PLPP3: variants seen among roughly 807,000 people sequenced by gnomAD.
The protein encoded by PLPP3 is PAP2 beta.
Under a neutral mutation model 29.6 loss-of-function variants are expected in PLPP3, and 6 were observed. The observed-to-expected ratio is 0.20, with a 90% CI of 0.11 to 0.40. The LOEUF is 0.40. PLPP3 is among the 10% of genes least tolerant of loss of function. PLPP3 has a pLI of 1.00. For missense variants in PLPP3, 308 were observed against 407.7 expected (o/e 0.76, Z 2.11); for synonymous variants, 152 against 159.7 (o/e 0.95, Z 0.36).
rs537494271 is a variant in PLPP3 at position 56,579,130 on chromosome 1, C to A, written c.-114G>T. 2.1e-6 allele frequency: 3 copies of A among 1,416,314 alleles called. No homozygotes were observed. The highest frequency in any genetic ancestry group is 2.8e-6 in the Non-Finnish European group (3 of 1,075,838). The allele number at this position is 1,416,314 out of a possible 1,614,324, so 87.7% of individuals were successfully genotyped here. On this transcript the variant is annotated 5_prime_UTR_variant, in exon 1 of 6. Transcript: ENST00000371250. ...GAGGCTGCTGCGGATAGTGGCGGGT[C>A]GGCCCCGGCTCCGGGCGCGGCGGCT...
chr1:56,522,354 A>G (rs1645824366), intron 4 of PLPP3, among the ~76,000 whole-genome samples: 1 of 152,232 alleles, frequency 6.6e-6, no homozygotes. Flanking sequence ...AATAAAATGA[A>G]GGGATATGAA....
At chr1:56,538,995 T>C (rs965993797) in intron 1 of PLPP3, 1 of 136,030 alleles carries the variant, frequency 7.4e-6, no homozygotes, top group Admixed American at 7.4e-5. Context: ...ACAGCCACTA[T>C]TGAATGCACA....
intron 2 of PLPP3, among the ~76,000 whole-genome samples, chr1:56,534,103 C>A (rs980348759): frequency 1.3e-5 from 2 of 152,170 alleles, no homozygotes; most frequent in Non-Finnish European, 2.9e-5. Flanking sequence ...CATTTTAAAT[C>A]TTTGCCCATG....
At position 56,524,211 on chromosome 1, in the gene PLPP3, A is replaced by C; in HGVS notation, c.575+66T>G. 1 of 1,567,608 alleles carries C rather than the reference A, an allele frequency of 6.4e-7. No homozygotes were observed. The highest frequency in any genetic ancestry group is 1.4e-5 in the African/African-American group (1 of 73,712). On this transcript the variant is annotated intron_variant, in intron 3 of 5. Transcript: ENST00000371250. The surrounding 1 kb of genome is among the most constrained non-coding windows in gnomAD (Gnocchi z 4.3). Reference sequence around the variant, plus strand: ...CATCTAAACCAGGGCCCAGCTAGTAAGTGCTCACTGAACTGCACTGTATGA... The same window carrying C: ...CATCTAAACCAGGGCCCAGCTAGTACGTGCTCACTGAACTGCACTGTATGA...
chr1:56,546,449 C>A (rs1646007043), intron 1 of PLPP3, among the ~76,000 whole-genome samples: 1 of 152,146 alleles, frequency 6.6e-6, no homozygotes, highest in African/African-American at 2.4e-5. Context: ...TAATGTCTCC[C>A]ATAGTAAGTA....
intron 1 of PLPP3, among the ~76,000 whole-genome samples, chr1:56,547,772 T>A (rs1371757755): frequency 6.6e-6 from 1 of 152,160 alleles, no homozygotes; most frequent in African/African-American, 2.4e-5. Flanking sequence ...TGGGAATTTC[T>A]GCCCTAAAGA....
At chr1:56,541,094 G>C (rs561610350) in intron 1 of PLPP3, among the ~76,000 whole-genome samples, 1 of 152,256 alleles carries the variant, frequency 6.6e-6, no homozygotes, top group South Asian at 2.1e-4. Context: ...TGTGATGACT[G>C]ACATATGCAT....
intron 1 of PLPP3, among the ~76,000 whole-genome samples, chr1:56,540,374 T>C (rs1023185304): frequency 1.3e-5 from 2 of 151,904 alleles, no homozygotes; most frequent in African/African-American, 2.4e-5. Flanking sequence ...GTCAAGGCAA[T>C]AGCACTGAGT....
chr1:56,548,098 C>A (rs1646017130), intron 1 of PLPP3, among the ~76,000 whole-genome samples: 1 of 152,188 alleles, frequency 6.6e-6, no homozygotes, highest in Admixed American at 6.5e-5. Flanking sequence ...CTGGACAGGG[C>A]CGTGTCAGCT....
At chr1:56,519,415 TC>T (rs1557501472) in intron 4 of PLPP3, among the ~76,000 whole-genome samples, 1 of 152,174 alleles carries the variant, frequency 6.6e-6, no homozygotes, top group South Asian at 2.1e-4. Flanking sequence ...GTACTGTTTC[TC>T]TAGACTAAAT....
chr1:56,564,539 A>G (rs1432313309), intron 1 of PLPP3, among the ~76,000 whole-genome samples: 1 of 152,238 alleles, frequency 6.6e-6, no homozygotes, highest in Non-Finnish European at 1.5e-5. Context: ...TTTCACAGCT[A>G]GGGCAAGCAC....
intron 1 of PLPP3, among the ~76,000 whole-genome samples, chr1:56,541,633 ACT>A (rs1645970216): frequency 6.6e-6 from 1 of 152,166 alleles, no homozygotes; most frequent in South Asian, 2.1e-4. Flanking sequence ...CTTACCAGTC[ACT>A]CTGCAAGTAA....
At chr1:56,576,727 A>C (rs1646238093) in intron 1 of PLPP3, among the ~76,000 whole-genome samples, 2 of 152,250 alleles carry the variant, frequency 1.3e-5, no homozygotes, top group African/African-American at 4.8e-5. Flanking sequence ...CAGTGAATAA[A>C]TATAATAAAC....
At chr1:56,553,339 C>A (rs1410272396) in intron 1 of PLPP3, among the ~76,000 whole-genome samples, 1 of 152,134 alleles carries the variant, frequency 6.6e-6, no homozygotes, top group Non-Finnish European at 1.5e-5. Flanking sequence ...AGAAAGTACA[C>A]CCTGCCAGCC....
chr1:56,536,794 TTA>T (rs1373372229), intron 2 of PLPP3, among the ~76,000 whole-genome samples, 159 bp downstream of exon 2: 1 of 152,158 alleles, frequency 6.6e-6, no homozygotes, highest in African/African-American at 2.4e-5. Context: ...TACTTCACAT[TTA>T]GTGTTCTCAG....
intron 2 of PLPP3, among the ~76,000 whole-genome samples, chr1:56,535,381 T>C (rs564198618): frequency 9.7e-4 from 148 of 152,322 alleles, no homozygotes; most frequent in African/African-American, 3.5e-3. Flanking sequence ...ATAACAATTA[T>C]TGCAGTAATT....
At chr1:56,573,185 G>A (rs2100311628) in intron 1 of PLPP3, among the ~76,000 whole-genome samples, 1 of 152,204 alleles carries the variant, frequency 6.6e-6, no homozygotes, top group South Asian at 2.1e-4. Context: ...CACATGGCTG[G>A]CAACTTCAAT....
intron 2 of PLPP3, among the ~76,000 whole-genome samples, chr1:56,526,763 G>A (rs1645855536): frequency 6.6e-6 from 1 of 152,050 alleles, no homozygotes; most frequent in Non-Finnish European, 1.5e-5. Context: ...CAACTTTCCT[G>A]GGCTACGTCC....
At chr1:56,525,579 G>A (rs1486678832) in intron 2 of PLPP3, among the ~76,000 whole-genome samples, 6 of 152,122 alleles carry the variant, frequency 3.9e-5, no homozygotes, top group South Asian at 2.1e-4. Context: ...CTGATGTTCT[G>A]TAAGGTAAAT....
Sources: allele counts gnomAD v4.1 joint callset (sites outside exome capture counted in the v4.1 genomes callset), GRCh38; gene constraint gnomAD v4.1.1; non-coding constraint Gnocchi (gnomAD v3.1); transcripts MANE v1.5; gene names NCBI Gene and HGNC (gene_info 2026-07-23, HGNC 2026-07-21).